PTK2B: variants seen among roughly 807,000 people sequenced by gnomAD.
The protein encoded by PTK2B is protein-tyrosine kinase 2-beta.
Under a neutral mutation model 142.9 loss-of-function variants are expected in PTK2B, and 71 were observed. The ratio of observed to expected loss-of-function variants is 0.50; its 90% CI spans 0.41 to 0.61. The LOEUF is 0.61. Ranked by LOEUF, PTK2B falls within the 20% of genes least tolerant of loss-of-function variation. PTK2B has a pLI of 0.00. For missense variants in PTK2B, 1,105 were observed against 1,320.4 expected, an observed-to-expected ratio of 0.84 and a Z score of 2.53; for synonymous variants, 519 against 503.4, an observed-to-expected ratio of 1.03 and a Z score of -0.42.
chr8:27,362,604 C>T (rs2130790366), intron 1 of PTK2B, among the ~76,000 whole-genome samples: 1 of 151,602 alleles, frequency 6.6e-6, no homozygotes, highest in Non-Finnish European at 1.5e-5. Context: ...CCCACCTTCA[C>T]CCTGACCCCA....
At chr8:27,451,362 C>A in intron 26 of PTK2B, 123 bp from the exon 27 acceptor site, 1 of 1,489,610 alleles carries the variant, frequency 6.7e-7, no homozygotes, top group Non-Finnish European at 9.0e-7. Flanking sequence ...CAGAAGCACC[C>A]CCGACCCCAT....
At chr8:27,420,508 A>G (rs1278010830) in intron 3 of PTK2B, 149 bp from the exon 4 acceptor site, 1 of 752,266 alleles carries the variant, frequency 1.3e-6, no homozygotes, top group Non-Finnish European at 2.2e-6. Flanking sequence ...GGAAAGAGAA[A>G]AACCAGCCCT....
intron 30 of PTK2B, among the ~76,000 whole-genome samples, chr8:27,455,447 G>A (rs1258050091): frequency 6.6e-6 from 1 of 152,218 alleles, no homozygotes; most frequent in African/African-American, 2.4e-5. Flanking sequence ...TGCTCAGAAG[G>A]CTGAGGTGAG....
intron 5 of PTK2B, among the ~76,000 whole-genome samples, chr8:27,426,901 T>C (rs1332549158): frequency 1.3e-5 from 2 of 152,232 alleles, no homozygotes; most frequent in African/African-American, 4.8e-5. Flanking sequence ...GTGTTTACCC[T>C]TTCATTTAGC....
intron 24 of PTK2B, among the ~76,000 whole-genome samples, chr8:27,446,820 T>C (rs1811502782): frequency 1.3e-5 from 2 of 152,254 alleles, no homozygotes; most frequent in African/African-American, 4.8e-5. Flanking sequence ...GCCATTATGC[T>C]TAATTTAGTA....
chr8:27,372,795 G>A (rs1677724129), intron 1 of PTK2B, among the ~76,000 whole-genome samples: 1 of 152,190 alleles, frequency 6.6e-6, no homozygotes, highest in African/African-American at 2.4e-5. Context: ...TTGGGACAGA[G>A]GATGCAAACT....
At chr8:27,449,145 G>A (rs372858885) in intron 24 of PTK2B, among the ~76,000 whole-genome samples, 6 of 152,318 alleles carry the variant, frequency 3.9e-5, no homozygotes, top group African/African-American at 1.4e-4. Flanking sequence ...TGTCAGTAGT[G>A]CTGAGGTTGA....
chr8:27,451,656 G>T (rs1298890887), intron 27 of PTK2B, 147 bp downstream of exon 27: 6 of 1,499,194 alleles, frequency 4.0e-6, no homozygotes, highest in Non-Finnish European at 5.4e-6. Context: ...AGCATGTGGG[G>T]CAGGCCAGCT....
intron 1 of PTK2B, among the ~76,000 whole-genome samples, chr8:27,374,771 C>G (rs1403785806): frequency 6.6e-6 from 1 of 152,086 alleles, no homozygotes; most frequent in Non-Finnish European, 1.5e-5. Flanking sequence ...GTCAGTGGGG[C>G]CCCATGTCAA....
rs779337888 is a variant in PTK2B at position 27,458,786 on chromosome 8, C to G, written c.*277C>G. On this transcript the variant is annotated 3_prime_UTR_variant, in exon 31 of 31. Coordinates refer to ENST00000346049, the MANE Select transcript of PTK2B (RefSeq NM_173176.3). ...GCCTGGCCACTGCTCCCTAAGCCAG[C>G]CTGGTCCATGCAGGGGGCTCCTGGG... 670 of 528,098 alleles carry G rather than the reference C, an allele frequency of 1.3e-3. 2 individuals carry two copies. Among genetic ancestry groups the G allele is most frequent in the Middle Eastern group, 3.1e-3 (6 of 1,934 alleles). 32.7% of individuals were successfully genotyped at this position (528,098 alleles called of 1,614,324 possible). A position where few individuals can be genotyped will look rare whatever the true frequency, so the allele number is the denominator to read the frequency against.
intron 10 of PTK2B, among the ~76,000 whole-genome samples, chr8:27,432,667 G>A (rs1432373917): frequency 6.6e-6 from 1 of 152,128 alleles, no homozygotes; most frequent in Non-Finnish European, 1.5e-5. Flanking sequence ...GTTATACCAA[G>A]AGAACAAGGA....
intron 1 of PTK2B, among the ~76,000 whole-genome samples, chr8:27,364,640 G>T (rs900900935): frequency 6.6e-6 from 1 of 152,170 alleles, no homozygotes; most frequent in Non-Finnish European, 1.5e-5. Flanking sequence ...AAGCATTATT[G>T]ACTTTCCCAC....
rs1411065100 is a variant in PTK2B, at chr8:27,419,775, C to T, written c.205-120C>T. On this transcript the variant is annotated intron_variant, in intron 2 of 30. Transcript: ENST00000346049. ...CCCCTAAATGCTAGAGAATCAGAGACAAATCGAACATGAAGACAGAATCCC... is the reference window on the plus strand; with the variant it reads ...CCCCTAAATGCTAGAGAATCAGAGATAAATCGAACATGAAGACAGAATCCC... 1.0e-5 allele frequency: 11 copies of T among 1,062,496 alleles called. No homozygotes were observed. In the Admixed American group the frequency reaches 2.8e-4, roughly 27 times the overall value. 65.8% of individuals were successfully genotyped at this position (1,062,496 alleles called of 1,614,324 possible). A position where few individuals can be genotyped will look rare whatever the true frequency, so the allele number is the denominator to read the frequency against.
At chr8:27,396,232 A>G (rs1808042924) in intron 1 of PTK2B, 1 of 152,130 alleles carries the variant, frequency 6.6e-6, no homozygotes, top group Non-Finnish European at 1.5e-5. Flanking sequence ...GCTAATGGCT[A>G]TCTAAATCTT....
In PTK2B at chr8:27,459,265, C is replaced by G; in HGVS notation, c.*756C>G. 1 of 233,790 alleles carries G rather than the reference C, an allele frequency of 4.3e-6. No individual in the cohort carries two copies. The highest frequency in any genetic ancestry group is 8.4e-6 in the Non-Finnish European group (1 of 118,460). 14.5% of individuals were successfully genotyped at this position (233,790 alleles called of 1,614,324 possible). A position where few individuals can be genotyped will look rare whatever the true frequency, so the allele number is the denominator to read the frequency against. On this transcript the variant is annotated 3_prime_UTR_variant, in exon 31 of 31. Coordinates refer to ENST00000346049, the MANE Select transcript of PTK2B (RefSeq NM_173176.3). ...CTTGCTTTTCCCTCTTTTCTTACTC[C>G]TCCTCTTTCTCTCCCCAACCCCCAT...
intron 3 of PTK2B, among the ~76,000 whole-genome samples, chr8:27,314,951 T>C (rs1242826559): frequency 6.6e-6 from 1 of 152,176 alleles, no homozygotes; most frequent in Non-Finnish European, 1.5e-5. Flanking sequence ...ATAAATAAAC[T>C]TCTATCCCTT....
At chr8:27,338,509 C>A (rs1483208467) in intron 1 of PTK2B, among the ~76,000 whole-genome samples, 3 of 151,838 alleles carry the variant, frequency 2.0e-5, no homozygotes, top group African/African-American at 7.3e-5. Context: ...ATTTATGTAA[C>A]CAAACACCAC....
At chr8:27,336,911 C>G (rs555241600) in intron 1 of PTK2B, among the ~76,000 whole-genome samples, 1 of 152,114 alleles carries the variant, frequency 6.6e-6, no homozygotes, top group East Asian at 1.9e-4. Context: ...TCTCGGCTCA[C>G]TGCACCCTCT....
At chr8:27,310,507 C>T (rs749623302), upstream of PTK2B, among the ~76,000 whole-genome samples, 1 of 152,268 alleles carries the variant, frequency 6.6e-6, no homozygotes, top group Non-Finnish European at 1.5e-5. Flanking sequence ...CCGGCTGGCA[C>T]AAGGGGTGCA....
Sources: gnomAD v4.1 joint callset for allele counts (sites outside exome capture counted in the v4.1 genomes callset) on GRCh38, gnomAD v4.1.1 for gene constraint, MANE v1.5 for transcripts, NCBI Gene and HGNC (gene_info 2026-07-23, HGNC 2026-07-21) for gene names.